The following TMSB15B variants were observed in gnomAD, a reference collection of about 807,000 sequenced individuals.
TMSB15B encodes the protein thymosin beta 15B, also known as thymosin beta-15B.
intron 1 of TMSB15B, among the ~76,000 whole-genome samples, chrX:103,955,785 G>A (rs1385192060): frequency 9.0e-6 from 1 of 111,168 alleles, no homozygotes; most frequent in East Asian, 2.8e-4. Context: ...AATTCAGCAA[G>A]TGCAGACCAC....
At position 103,920,135 on chromosome X, in the gene TMSB15B, C is replaced by T. The variant is rs1556317328; in HGVS notation, c.-721+843C>T. ...CCTTTTTATAAAAGCAACATAATTT[C>T]GACAGCCCTTTGTGACGCCAAGGGA... On this transcript the variant is annotated intron_variant, in intron 1 of 3. Coordinates refer to the TMSB15B transcript ENST00000419165. 3.6e-5 allele frequency among the ~76,000 whole-genome samples: 4 copies of T among 111,907 alleles called. No individual in the cohort carries two copies. In the Admixed American group the frequency reaches 3.8e-4, roughly 11 times the overall value.
intron 1 of TMSB15B, among the ~76,000 whole-genome samples, chrX:103,921,607 T>C (rs1192126592): frequency 8.9e-6 from 1 of 112,387 alleles, no homozygotes; most frequent in Non-Finnish European, 1.9e-5. Context: ...ATCCTATCTC[T>C]GGCCTCATGT....
At chrX:103,926,899 G>A (rs1180231602) in intron 1 of TMSB15B, among the ~76,000 whole-genome samples, 1 of 109,172 alleles carries the variant, frequency 9.2e-6, no homozygotes, top group Non-Finnish European at 1.9e-5. Context: ...CTGTCTTCCT[G>A]CCCCACACCC....
intron 1 of TMSB15B, among the ~76,000 whole-genome samples, chrX:103,929,852 ATTATT>A (rs782263221): frequency 1.5e-3 from 161 of 110,508 alleles, no homozygotes; most frequent in Middle Eastern, 4.7e-3. Flanking sequence ...ATTTTTAAAA[ATTATT>A]TTATTTTATT....
chrX:103,919,690 C>G (rs1467021484), intron 1 of TMSB15B: 2 of 112,267 alleles, frequency 1.8e-5, no homozygotes, highest in Non-Finnish European at 3.8e-5. Flanking sequence ...AAAACCAAAG[C>G]CAGGATGGGA....
chrX:103,936,982 C>T (rs1276381854), intron 1 of TMSB15B, among the ~76,000 whole-genome samples: 1 of 111,932 alleles, frequency 8.9e-6, no homozygotes, highest in Non-Finnish European at 1.9e-5. Flanking sequence ...TATTGATTTG[C>T]GTGTGTTGAA....
At chrX:103,920,085 T>C (rs1461821906) in intron 1 of TMSB15B, among the ~76,000 whole-genome samples, 1 of 111,744 alleles carries the variant, frequency 8.9e-6, no homozygotes, top group Non-Finnish European at 1.9e-5. Context: ...TTAAAAATAC[T>C]TTTTTTTATA....
At chrX:103,940,687 TC>T (rs2075010344) in intron 1 of TMSB15B, among the ~76,000 whole-genome samples, 1 of 111,040 alleles carries the variant, frequency 9.0e-6, no homozygotes, top group African/African-American at 3.3e-5. Context: ...TCACTGGTGT[TC>T]CAGGCTTCAC....
intron 1 of TMSB15B, among the ~76,000 whole-genome samples, chrX:103,921,583 A>G (rs1556317809): frequency 8.9e-6 from 1 of 112,126 alleles, no homozygotes; most frequent in Admixed American, 9.4e-5. Flanking sequence ...CCTGGCTCCA[A>G]TTGGATACAG....
intron 1 of TMSB15B, chrX:103,928,833 G>A: frequency 1.7e-6 from 2 of 1,201,801 alleles, no homozygotes; most frequent in Non-Finnish European, 1.1e-6. Context: ...TTGGATGGCA[G>A]AACATGCCAA....
At chrX:103,947,808 A>T (rs1421080388) in intron 1 of TMSB15B, among the ~76,000 whole-genome samples, 1 of 112,192 alleles carries the variant, frequency 8.9e-6, no homozygotes. Flanking sequence ...AAATGACCTG[A>T]AAAGGTACTT....
At chrX:103,936,468 G>C (rs2074998251) in intron 1 of TMSB15B, among the ~76,000 whole-genome samples, 1 of 111,807 alleles carries the variant, frequency 8.9e-6, no homozygotes, top group African/African-American at 3.3e-5. Context: ...TTGTGTGTAG[G>C]AATGCTTATG....
intron 1 of TMSB15B, among the ~76,000 whole-genome samples, chrX:103,923,853 T>C (rs1280389051): frequency 1.8e-5 from 2 of 111,831 alleles, no homozygotes; most frequent in African/African-American, 6.5e-5. Flanking sequence ...GGTTCTTCCA[T>C]TTCTTTGTAT....
In TMSB15B at chrX:103,951,095, C is replaced by A. The variant is rs183687964; in HGVS notation, c.-720-10926C>A. ...TCTCCCTGTGTCTTCACATGGCCAGCCCTCAGTCTGTATTATCTGTGTCCT... is the reference window on the plus strand; with the variant it reads ...TCTCCCTGTGTCTTCACATGGCCAGACCTCAGTCTGTATTATCTGTGTCCT... On this transcript the variant is annotated intron_variant, in intron 1 of 3. Coordinates refer to the TMSB15B transcript ENST00000419165. Among the ~76,000 whole-genome samples the A allele has an allele frequency of 2.7e-3, 306 of 111,954 alleles. 1 individual carries two copies. Among genetic ancestry groups the A allele is most frequent in the African/African-American group, 9.1e-3 (280 of 30,836 alleles).
chrX:103,955,741 A>C (rs1216820362), intron 1 of TMSB15B, among the ~76,000 whole-genome samples: 1 of 111,859 alleles, frequency 8.9e-6, no homozygotes, highest in Non-Finnish European at 1.9e-5. Context: ...CTCCATGAGA[A>C]ATTCCCCAAC....
intron 1 of TMSB15B, among the ~76,000 whole-genome samples, chrX:103,953,367 C>A (rs1456297334): frequency 1.8e-5 from 2 of 112,258 alleles, no homozygotes. Context: ...GCAACTCCAG[C>A]AAAGCAGGAT....
chrX:103,922,461 GTT>G (rs1355128583), intron 1 of TMSB15B, among the ~76,000 whole-genome samples: 1 of 104,711 alleles, frequency 9.6e-6, no homozygotes, highest in Non-Finnish European at 1.9e-5. Context: ...GCAGTGTTTT[GTT>G]TTCTGTCCTT....
chrX:103,947,961 T>C (rs1385496718), intron 1 of TMSB15B, among the ~76,000 whole-genome samples: 1 of 111,495 alleles, frequency 9.0e-6, no homozygotes, highest in Non-Finnish European at 1.9e-5. Context: ...ACACCGCATG[T>C]TCTCACCCAT....
intron 1 of TMSB15B, among the ~76,000 whole-genome samples, chrX:103,933,776 G>T (rs1792989953): frequency 9.2e-6 from 1 of 108,705 alleles, no homozygotes; most frequent in Non-Finnish European, 1.9e-5. Flanking sequence ...ATTTATTCAT[G>T]ATAAGTTTGA....
Sources: gnomAD v4.1 joint callset for allele counts (sites outside exome capture counted in the v4.1 genomes callset) on GRCh38, gnomAD v4.1.1 for gene constraint, MANE v1.5 for transcripts, NCBI Gene and HGNC (gene_info 2026-07-23, HGNC 2026-07-21) for gene names.